The following TET1 variants were observed in gnomAD, a reference collection of about 807,000 sequenced individuals.
The protein encoded by TET1 is tet methylcytosine dioxygenase 1.
A neutral mutation model predicts 148.7 loss-of-function variants in TET1; 13 were observed. That is an observed-to-expected ratio of 0.09 (90% CI 0.06 to 0.14). TET1 has a LOEUF of 0.14. Ranked by LOEUF, TET1 falls within the 10% of genes least tolerant of loss-of-function variation. The pLI, the probability that TET1 is intolerant of heterozygous loss-of-function variation, is 1.00. For missense variants in TET1, 2,182 were observed against 2,553.8 expected, an observed-to-expected ratio of 0.85 and a Z score of 3.14; for synonymous variants, 907 against 937.2, an observed-to-expected ratio of 0.97 and a Z score of 0.59.
In TET1 at chr10:68,693,404, C is replaced by G. The variant is rs542958876; in HGVS notation, c.*1590C>G. Reference sequence around the variant, plus strand: ...GGAAGCCCACAACCGCTAACACTTACAATTTTGGTGCAAAAGCAAACAGTT... The same window carrying G: ...GGAAGCCCACAACCGCTAACACTTAGAATTTTGGTGCAAAAGCAAACAGTT... On this transcript the variant is annotated 3_prime_UTR_variant, in exon 12 of 12. Coordinates refer to ENST00000373644, the MANE Select transcript of TET1 (RefSeq NM_030625.3). 1 of 233,204 alleles carries G rather than the reference C, an allele frequency of 4.3e-6. No individual in the cohort carries two copies. The highest frequency in any genetic ancestry group is 2.2e-5 in the African/African-American group (1 of 45,296). 14.4% of individuals were successfully genotyped at this position (233,204 alleles called of 1,614,324 possible).
intron 8 of TET1, among the ~76,000 whole-genome samples, chr10:68,680,389 G>A (rs921500582): frequency 3.9e-5 from 6 of 152,164 alleles, no homozygotes; most frequent in Non-Finnish European, 7.3e-5. Flanking sequence ...CACCCAGGCC[G>A]GAGTGCAGTG....
intron 11 of TET1, among the ~76,000 whole-genome samples, chr10:68,689,852 T>G (rs895467073): frequency 3.3e-5 from 5 of 152,116 alleles, no homozygotes; most frequent in African/African-American, 1.2e-4. Context: ...GAGATTTATG[T>G]GGATGTGTCA....
chr10:68,691,417 A>G lies in TET1; in HGVS notation c.6014A>G (p.Asn2005Ser). Reference sequence around the variant, plus strand: ...AGTGAGCACATCTTTTTGGATGCAAATATTGGTGGGGTGGCCATCGCACCT... The same window carrying G: ...AGTGAGCACATCTTTTTGGATGCAAGTATTGGTGGGGTGGCCATCGCACCT... ...SDSEHIFLDA[N>S]IGGVAIAPAH... is the part of the protein sequence containing the mutation. Residue 2005 changes from asparagine (N) to serine (S), a missense_variant, in exon 12 of 12, where the codon AAT (asparagine) becomes AGT (serine). By Grantham distance (46) the Asn-to-Ser change is conservative (BLOSUM62 1). Around this residue, in one of 11 missense-constraint regions of TET1, gnomAD observed 11 missense variants for 44.0 expected, o/e 0.25. Coordinates refer to ENST00000373644, the MANE Select transcript of TET1 (RefSeq NM_030625.3). This position sits in a 1 kb window ranked among gnomAD's most constrained non-coding sequence, Gnocchi z 4.4. 1 of 1,614,094 alleles carries G rather than the reference A, an allele frequency of 6.2e-7. No homozygotes were observed. Among genetic ancestry groups the G allele is most frequent in the South Asian group, 1.1e-5 (1 of 91,074 alleles).
intron 10 of TET1, 151 bp downstream of exon 10, chr10:68,683,124 T>G: frequency 1.0e-6 from 1 of 955,488 alleles, no homozygotes; most frequent in Non-Finnish European, 1.5e-6. Flanking sequence ...AAAAAAGAAA[T>G]AAGTGTGTAG....
intron 3 of TET1, among the ~76,000 whole-genome samples, chr10:68,607,507 G>A (rs965488662): frequency 9.9e-5 from 15 of 150,862 alleles, no homozygotes; most frequent in Non-Finnish European, 1.8e-4. Context: ...ATCTTGGTTC[G>A]TTGCAACCTT....
chr10:68,672,765 A>G, intron 7 of TET1, 130 bp from the exon 8 acceptor site: 1 of 614,604 alleles, frequency 1.6e-6, no homozygotes, highest in South Asian at 5.1e-5. Flanking sequence ...TTAAATAAGT[A>G]ATATAATAGA....
At position 68,667,675 on chromosome 10, in the gene TET1, C is replaced by T. The variant is rs1412943661; in HGVS notation, c.4673+419C>T. On this transcript the variant is annotated intron_variant, in intron 7 of 11. Coordinates refer to ENST00000373644, the MANE Select transcript of TET1 (RefSeq NM_030625.3). ...AGGAGAATGGTGTGAATCCGGGAGG[C>T]GGAGCTTGCAGTGCGCTGAGATTGT... 3.3e-5 allele frequency among the ~76,000 whole-genome samples: 5 copies of T among 150,930 alleles called. No individual in the cohort carries two copies. In the East Asian group the frequency reaches 5.8e-4, roughly 18 times the overall value.
intron 3 of TET1, among the ~76,000 whole-genome samples, chr10:68,602,458 G>A (rs2054069965): frequency 6.6e-6 from 1 of 152,234 alleles, no homozygotes. Context: ...TTGTGGATGG[G>A]GATTAGCAGG....
intron 2 of TET1, among the ~76,000 whole-genome samples, chr10:68,594,141 G>A (rs2053952197): frequency 6.6e-6 from 1 of 151,772 alleles, no homozygotes; most frequent in African/African-American, 2.4e-5. Flanking sequence ...GGCCAGGCTG[G>A]TCTCAAACTC....
chr10:68,623,343 C>T (rs1354645667), intron 3 of TET1, among the ~76,000 whole-genome samples: 1 of 152,030 alleles, frequency 6.6e-6, no homozygotes, highest in Non-Finnish European at 1.5e-5. Flanking sequence ...ATTCTATGGG[C>T]TATAAACTAT....
chr10:68,575,528 C>T (rs144925078), intron 2 of TET1, among the ~76,000 whole-genome samples: 3,183 of 150,420 alleles, frequency 0.021, 115 homozygotes, highest in African/African-American at 0.073. Context: ...TGGGGTGAAA[C>T]CCCATCTCTA....
At chr10:68,661,887 T>C (rs1213285763) in intron 6 of TET1, among the ~76,000 whole-genome samples, 2 of 149,398 alleles carry the variant, frequency 1.3e-5, no homozygotes, top group Admixed American at 6.6e-5. Context: ...TTTCTTTTTT[T>C]TTTTTTTTTG....
chr10:68,692,004 G>T lies in TET1; in HGVS notation c.*190G>T, dbSNP rs2055601645. ...ACTATATTTTGACAATTGGTAGAAGGTGCACATTTTAAGCAAAAATAAAAG... is the reference window on the plus strand; with the variant it reads ...ACTATATTTTGACAATTGGTAGAAGTTGCACATTTTAAGCAAAAATAAAAG... On this transcript the variant is annotated 3_prime_UTR_variant, in exon 12 of 12. Coordinates refer to ENST00000373644, the MANE Select transcript of TET1 (RefSeq NM_030625.3). The T allele has an allele frequency of 1.6e-6, 1 of 621,766 alleles. No homozygotes were observed. The highest frequency in any genetic ancestry group is 2.6e-6 in the Non-Finnish European group (1 of 387,228). The allele number at this position is 621,766 out of a possible 1,614,324, so 38.5% of individuals were successfully genotyped here.
At chr10:68,599,012 G>A (rs1198052638) in intron 2 of TET1, among the ~76,000 whole-genome samples, 2 of 151,982 alleles carry the variant, frequency 1.3e-5, no homozygotes, top group Non-Finnish European at 1.5e-5. Flanking sequence ...ACATGAATTT[G>A]TTAAAAATGT....
chr10:68,672,487 C>CAAA (rs71483920), intron 7 of TET1, among the ~76,000 whole-genome samples: 3,163 of 49,366 alleles, frequency 0.064, 468 homozygotes, highest in Middle Eastern at 0.24. Flanking sequence ...GACCCCATCT[C>CAAA]AAAAAAAAAA....
At chr10:68,614,142 T>C (rs2054256652) in intron 3 of TET1, among the ~76,000 whole-genome samples, 1 of 152,218 alleles carries the variant, frequency 6.6e-6, no homozygotes, top group Non-Finnish European at 1.5e-5. Flanking sequence ...AATCCACCTG[T>C]CCAGGGTTTA....
intron 2 of TET1, among the ~76,000 whole-genome samples, chr10:68,595,411 G>T (rs960819054): frequency 1.3e-5 from 2 of 151,956 alleles, no homozygotes; most frequent in African/African-American, 2.4e-5. Flanking sequence ...TCGGTCTTCA[G>T]TCTTGAGGAA....
intron 6 of TET1, among the ~76,000 whole-genome samples, chr10:68,654,485 C>CAG (rs2054991993): frequency 2.6e-5 from 4 of 151,310 alleles, no homozygotes; most frequent in Non-Finnish European, 5.9e-5. Context: ...GGCGTGGTGG[C>CAG]GCGAGCCTAT....
At chr10:68,578,110 T>C (rs1332400064) in intron 2 of TET1, among the ~76,000 whole-genome samples, 1 of 152,160 alleles carries the variant, frequency 6.6e-6, no homozygotes, top group African/African-American at 2.4e-5. Context: ...AAAATCTTAC[T>C]GAGCCTGTAA....
Sources: gnomAD v4.1 joint callset for allele counts (sites outside exome capture counted in the v4.1 genomes callset) on GRCh38, gnomAD v4.1.1 for gene constraint, gnomAD v4.1.1 regional missense constraint, Gnocchi (gnomAD v3.1) non-coding constraint, MANE v1.5 for transcripts, NCBI Gene and HGNC (gene_info 2026-07-23, HGNC 2026-07-21) for gene names.